The following DNM1 variants were observed in gnomAD, a reference collection of about 807,000 sequenced individuals.
The protein encoded by DNM1 is dynamin 1, also known as dynamin-1.
DNM1 carries 29 observed loss-of-function variants against 104.6 expected under a neutral mutation model. The ratio of observed to expected loss-of-function variants is 0.28; its 90% CI spans 0.21 to 0.38. DNM1 has a LOEUF of 0.38. Ranked by LOEUF, DNM1 falls within the 10% of genes least tolerant of loss-of-function variation. DNM1 has a pLI of 1.00. For missense variants in DNM1, 640 were observed against 1,189.4 expected, an observed-to-expected ratio of 0.54 and a Z score of 6.79; for synonymous variants, 445 against 475.8, an observed-to-expected ratio of 0.94 and a Z score of 0.84.
chr9:128,214,812 C>T (rs966797574), intron 1 of DNM1, among the ~76,000 whole-genome samples: 13 of 152,252 alleles, frequency 8.5e-5, no homozygotes, highest in African/African-American at 2.7e-4. Context: ...GGGCACAGCA[C>T]GCGGCCTCCG....
intron 1 of DNM1, among the ~76,000 whole-genome samples, chr9:128,212,316 A>T (rs940872445): frequency 6.6e-6 from 1 of 152,210 alleles, no homozygotes; most frequent in Non-Finnish European, 1.5e-5. Context: ...GTGATAAGAA[A>T]TAAGGATCCA....
Position 128,222,293 on chromosome 9 carries a change from A to G in DNM1, c.946A>G (p.Asn316Asp), listed in dbSNP as rs1214581005. The change falls in exon 7 of 22, where the codon AAC (asparagine) becomes GAC (aspartate). Residue 316 changes from asparagine (N) to aspartate (D), a missense_variant. Physicochemically the swap from Asn to Asp is conservative, Grantham distance 23 (BLOSUM62 1). Around this residue, in one of 7 missense-constraint regions of DNM1, gnomAD observed 81 missense variants for 99.8 expected, o/e 0.81. Transcript: ENST00000372923. The surrounding 1 kb of genome is among the most constrained non-coding windows in gnomAD (Gnocchi z 7.8). ...TGAGAAGGAGGTGGAGGAATACAAGAACTTCCGCCCTGATGACCCAGCTCG... is the reference window on the plus strand; with the variant it reads ...TGAGAAGGAGGTGGAGGAATACAAGGACTTCCGCCCTGATGACCCAGCTCG... Reference protein sequence around the residue: ...SIEKEVEEYKNFRPDDPARKT... With the variant: ...SIEKEVEEYKDFRPDDPARKT... 1.2e-6 allele frequency: 2 copies of G among 1,614,004 alleles called. No individual in the cohort carries two copies. Among genetic ancestry groups the G allele is most frequent in the Non-Finnish European group, 1.7e-6 (2 of 1,180,000 alleles).
chr9:128,219,068 G>A lies in DNM1; in HGVS notation c.405G>A (p.Val135=). The A allele has an allele frequency of 6.2e-7, 1 of 1,614,052 alleles. No individual in the cohort carries two copies. Among genetic ancestry groups the A allele is most frequent in the Non-Finnish European group, 8.5e-7 (1 of 1,180,052 alleles). ...GTCCAGTGCTGAACCTGACCCTGGT[G>A]GACCTGCCCGGAATGACCAAGGTCC... is the stretch of plus-strand genomic sequence containing the variant. The part of the protein sequence containing the change: ...YSPHVLNLTL[V]DLPGMTKVPV... Residue 135 remains valine, a synonymous_variant, in exon 4 of 22, where the codon GTG becomes GTA. Coordinates refer to ENST00000372923, the MANE Select transcript of DNM1 (RefSeq NM_004408.4).
chr9:128,251,216 T>G, intron 21 of DNM1: 2 of 628,218 alleles, frequency 3.2e-6, no homozygotes, highest in East Asian at 3.3e-5. Context: ...TGCATGGCGC[T>G]TCCCTCTATT....
chr9:128,241,143 T>C (rs1260494301), intron 14 of DNM1: 1 of 152,216 alleles, frequency 6.6e-6, no homozygotes. Context: ...CAGAGAGGCA[T>C]AAGGAGGGCT....
At position 128,250,743 on chromosome 9, in the gene DNM1, C is replaced by T. The variant is rs1354176977; in HGVS notation, c.2337C>T (p.Pro779=). 6.9e-7 allele frequency: 1 copy of T among 1,455,274 alleles called. No homozygotes were observed. Among genetic ancestry groups the T allele is most frequent in the Non-Finnish European group, 9.0e-7 (1 of 1,109,638 alleles). The allele number at this position is 1,455,274 out of a possible 1,614,324, so 90.1% of individuals were successfully genotyped here. Residue 779 remains proline, a synonymous_variant, in exon 21 of 22, where the codon CCC becomes CCT. Transcript: ENST00000372923. ...PAGRRSPTSS[P]TPQRRAPAVP... ...CCCTCAGGTCGCCCACGTCCAGCCC[C>T]ACGCCGCAGCGCCGAGCCCCCGCCG...
Position 128,254,685 on chromosome 9 carries a change from G to A in DNM1, c.2566G>A (p.Glu856Lys), listed in dbSNP as rs746258924. The change falls in exon 22 of 22, where the codon GAG becomes AAG. Residue 856 changes from glutamate (E) to lysine (K), a missense_variant. By Grantham distance (56) the Glu-to-Lys change is moderately conservative. This residue lies in a region of DNM1 where 37 missense variants were observed against 35.6 expected (regional missense o/e 1.04). Coordinates refer to ENST00000372923, the MANE Select transcript of DNM1 (RefSeq NM_004408.4). This position sits in a 1 kb window ranked among gnomAD's most constrained non-coding sequence, Gnocchi z 6.1. ...GGGTCAGGCAAGTCCATCCCGTCCT[G>A]AGAGCCCCAGGCCCCCCTTCGACCT... is the stretch of plus-strand genomic sequence containing the variant. ...RSGQASPSRP[E>K]SPRPPFDL 28 of 1,596,106 alleles carry A rather than the reference G, an allele frequency of 1.8e-5. No homozygotes were observed. The highest frequency in any genetic ancestry group is 2.7e-5 in the African/African-American group (2 of 74,784).
intron 1 of DNM1, among the ~76,000 whole-genome samples, chr9:128,211,588 G>A (rs1242573258): frequency 6.7e-6 from 1 of 148,888 alleles, no homozygotes; most frequent in Non-Finnish European, 1.5e-5. Context: ...TCAAGCTGGG[G>A]CTTGAACTCC....
chr9:128,233,787 C>T, intron 10 of DNM1: 1 of 564,896 alleles, frequency 1.8e-6, no homozygotes, highest in South Asian at 2.0e-5. Context: ...GTGAAGAGGG[C>T]CCGGAACCAG....
At position 128,254,939 on chromosome 9, in the gene DNM1, T is replaced by C; in HGVS notation, c.*225T>C. On this transcript the variant is annotated 3_prime_UTR_variant, in exon 22 of 22. Coordinates refer to ENST00000372923, the MANE Select transcript of DNM1 (RefSeq NM_004408.4). This position sits in a 1 kb window ranked among gnomAD's most constrained non-coding sequence, Gnocchi z 6.1. Reference sequence around the variant, plus strand: ...CTATAAATATCTATAAATACTCATATATATACACACCTACACATGGCCAAC... The same window carrying C: ...CTATAAATATCTATAAATACTCATACATATACACACCTACACATGGCCAAC... 2 of 508,590 alleles carry C rather than the reference T, an allele frequency of 3.9e-6. No homozygotes were observed. Among genetic ancestry groups the C allele is most frequent in the Non-Finnish European group, 6.9e-6 (2 of 289,592 alleles). The allele number at this position is 508,590 out of a possible 1,614,324, so 31.5% of individuals were successfully genotyped here.
chr9:128,210,291 G>A (rs1365393070), intron 1 of DNM1, among the ~76,000 whole-genome samples: 2 of 151,618 alleles, frequency 1.3e-5, no homozygotes, highest in African/African-American at 4.8e-5. Context: ...CTGGACTCAA[G>A]TGATCCTCCC....
At chr9:128,249,412 T>C (rs1273560301) in intron 19 of DNM1, among the ~76,000 whole-genome samples, 1 of 151,838 alleles carries the variant, frequency 6.6e-6, no homozygotes, top group Non-Finnish European at 1.5e-5. Flanking sequence ...ATCCCAGCAC[T>C]TTGGGAGGCC....
Position 128,245,702 on chromosome 9 carries a change from G to T in DNM1, c.1672-692G>T, listed in dbSNP as rs528035853. ...CATGGCTCTGCAAACATGTAGGCTC[G>T]CACAATTGCCACACACATCCACAAA... On this transcript the variant is annotated intron_variant, in intron 15 of 21. Coordinates refer to ENST00000372923, the MANE Select transcript of DNM1 (RefSeq NM_004408.4). This position sits in a 1 kb window ranked among gnomAD's most constrained non-coding sequence, Gnocchi z 5.2. Among the ~76,000 whole-genome samples the T allele has an allele frequency of 5.3e-5, 8 of 152,248 alleles. No homozygotes were observed. In the South Asian group the frequency reaches 1.5e-3, roughly 28 times the overall value.
intron 1 of DNM1, among the ~76,000 whole-genome samples, chr9:128,217,657 AT>A: frequency 6.7e-6 from 1 of 149,252 alleles, no homozygotes; most frequent in Non-Finnish European, 1.5e-5. Flanking sequence ...ACCTCAGGTG[AT>A]CCGCCCGCCT....
At chr9:128,209,296 C>G (rs937142284) in intron 1 of DNM1, among the ~76,000 whole-genome samples, 3 of 152,134 alleles carry the variant, frequency 2.0e-5, no homozygotes, top group Admixed American at 1.3e-4. Context: ...AAAGGTGACC[C>G]TGGCAGACAG....
In DNM1 at chr9:128,220,010, C is replaced by T. The variant is rs1057523005; in HGVS notation, c.612C>T (p.Ile204=). 6.3e-7 allele frequency: 1 copy of T among 1,594,602 alleles called. No homozygotes were observed. Among genetic ancestry groups the T allele is most frequent in the Non-Finnish European group, 8.5e-7 (1 of 1,170,180 alleles). The part of the protein sequence containing the change: ...DPQGQRTIGV[I]TKLDLMDEGT... ...CAGGCCAGCGCACCATCGGGGTCAT[C>T]ACCAAGCTGGACCTGATGGACGAGG... The change falls in exon 5 of 22, where the codon ATC becomes ATT. Residue 204 remains isoleucine (I), a synonymous_variant. Transcript: ENST00000372923. This position sits in a 1 kb window ranked among gnomAD's most constrained non-coding sequence, Gnocchi z 5.2.
intron 10 of DNM1, chr9:128,233,666 G>C: frequency 3.3e-6 from 1 of 299,538 alleles, no homozygotes; most frequent in Non-Finnish European, 6.3e-6. Flanking sequence ...CACCTTGGGA[G>C]CTAACGGTCC....
chr9:128,230,288 G>C (rs1374951981), intron 10 of DNM1, among the ~76,000 whole-genome samples: 1 of 149,638 alleles, frequency 6.7e-6, no homozygotes, highest in Non-Finnish European at 1.5e-5. Flanking sequence ...GCATATTGTT[G>C]GGAAAAAAAA....
At chr9:128,214,457 C>T (rs934982221) in intron 1 of DNM1, among the ~76,000 whole-genome samples, 9 of 152,138 alleles carry the variant, frequency 5.9e-5, no homozygotes, top group African/African-American at 1.9e-4. Flanking sequence ...ACTGGGTGCA[C>T]GCCCAGTTAA....
Sources: allele counts gnomAD v4.1 joint callset (sites outside exome capture counted in the v4.1 genomes callset), GRCh38; gene constraint gnomAD v4.1.1; regional missense constraint gnomAD v4.1.1; non-coding constraint Gnocchi (gnomAD v3.1); transcripts MANE v1.5; gene names NCBI Gene and HGNC (gene_info 2026-07-23, HGNC 2026-07-21).